Variants in SPTB observed in about 807,000 individuals in gnomAD.
SPTB encodes spectrin beta, erythrocytic, also known as spectrin beta chain, erythrocytic.
SPTB carries 45 observed loss-of-function variants against 256.2 expected under a neutral mutation model. The ratio of observed to expected loss-of-function variants is 0.18; its 90% CI spans 0.14 to 0.23. SPTB has a LOEUF of 0.23. SPTB is among the 10% of genes least tolerant of loss of function. The pLI is 1.00. For missense variants in SPTB, 2,715 were observed against 3,040.4 expected, an observed-to-expected ratio of 0.89 and a Z score of 2.52; for synonymous variants, 1,231 against 1,243.1, an observed-to-expected ratio of 0.99 and a Z score of 0.21.
At chr14:64,782,928 C>G (rs2082497525) in intron 19 of SPTB, among the ~76,000 whole-genome samples, 1 of 151,388 alleles carries the variant, frequency 6.6e-6, no homozygotes, top group South Asian at 2.1e-4. Flanking sequence ...GGAAGCTGGG[C>G]AGGGAGAGCA....
At chr14:64,832,618 A>T (rs144899194) in intron 1 of SPTB, among the ~76,000 whole-genome samples, 152 of 152,212 alleles carry the variant, frequency 1.0e-3, no homozygotes, top group African/African-American at 3.5e-3. Flanking sequence ...TCCACCTAAG[A>T]AGGCCCACAA....
intron 2 of SPTB, among the ~76,000 whole-genome samples, chr14:64,814,548 C>T (rs1425059979): frequency 6.6e-6 from 1 of 152,152 alleles, no homozygotes; most frequent in Non-Finnish European, 1.5e-5. Context: ...CAGAGTCTCC[C>T]ACTGTCGCTC....
chr14:64,878,408 G>A (rs1268293895), intron 1 of SPTB, among the ~76,000 whole-genome samples: 1 of 152,088 alleles, frequency 6.6e-6, no homozygotes, highest in East Asian at 1.9e-4. Flanking sequence ...AAAAAAAAAG[G>A]TGTTTTCAAT....
chr14:64,848,154 C>T (rs1376789234), intron 1 of SPTB, among the ~76,000 whole-genome samples: 1 of 152,160 alleles, frequency 6.6e-6, no homozygotes, highest in Non-Finnish European at 1.5e-5. Flanking sequence ...AGAAACACCA[C>T]CACATGATGG....
rs1351881524 is a variant in SPTB at position 64,796,040 on chromosome 14, T to C, written c.1342-401A>G. Among the ~76,000 whole-genome samples the C allele has an allele frequency of 6.6e-6, 1 of 152,150 alleles. No homozygotes were observed. Among genetic ancestry groups the C allele is most frequent in the East Asian group, 1.9e-4 (1 of 5,182 alleles). ...TGGTTTATTCACATGCTATCTGGGG[T>C]GCGCATACACTCTCCAGTGCTCTCA... On this transcript the variant is annotated intron_variant, in intron 11 of 35. Transcript: ENST00000644917. This position sits in a 1 kb window ranked among gnomAD's most constrained non-coding sequence, Gnocchi z 4.1.
intron 33 of SPTB, chr14:64,752,159 G>C: frequency 1.5e-6 from 2 of 1,328,192 alleles, no homozygotes; most frequent in South Asian, 1.2e-5. Flanking sequence ...GGCATGTTTG[G>C]TGAGGGAATC....
At chr14:64,846,862 A>G (rs1226748680) in intron 1 of SPTB, among the ~76,000 whole-genome samples, 1 of 152,132 alleles carries the variant, frequency 6.6e-6, no homozygotes, top group Admixed American at 6.5e-5. Context: ...AATCTGCTCT[A>G]CAGTTTAGCT....
At chr14:64,762,000 C>T (rs537011530) in intron 32 of SPTB, among the ~76,000 whole-genome samples, 1 of 152,102 alleles carries the variant, frequency 6.6e-6, no homozygotes, top group African/African-American at 2.4e-5. Flanking sequence ...GTCGTCAGAA[C>T]AGAGGGGCCA....
intron 32 of SPTB, among the ~76,000 whole-genome samples, chr14:64,765,821 AGTGTGTGT>A (rs780515740): frequency 7.6e-6 from 1 of 131,944 alleles, no homozygotes; most frequent in Non-Finnish European, 1.6e-5. Flanking sequence ...TGTGTGTGTG[AGTGTGTGT>A]GTGTGTGGGG....
intron 1 of SPTB, among the ~76,000 whole-genome samples, chr14:64,854,965 T>C (rs1206184646): frequency 6.6e-6 from 1 of 152,176 alleles, no homozygotes; most frequent in Non-Finnish European, 1.5e-5. Context: ...ATCACCCCTT[T>C]CAGGAAGTGG....
chr14:64,847,118 T>G lies in SPTB; in HGVS notation c.-51-23973A>C, dbSNP rs755920826. 6.6e-6 allele frequency among the ~76,000 whole-genome samples: 1 copy of G among 152,230 alleles called. No homozygotes were observed. Among genetic ancestry groups the G allele is most frequent in the Non-Finnish European group, 1.5e-5 (1 of 68,026 alleles). On this transcript the variant is annotated intron_variant, in intron 1 of 35. Coordinates refer to ENST00000644917, the MANE Select transcript of SPTB (RefSeq NM_001355436.2). The surrounding 1 kb of genome is among the most constrained non-coding windows in gnomAD (Gnocchi z 5.9). ...GGGTGTGATTTCCTCAGTTGTTCAC[T>G]GGCATAGAAGCCTCAAGCCCAGTCG... is the stretch of plus-strand genomic sequence containing the variant.
chr14:64,775,272 G>A lies in SPTB; in HGVS notation c.4695C>T (p.Ser1565=). 1 of 1,613,652 alleles carries A rather than the reference G, an allele frequency of 6.2e-7. No homozygotes were observed. Among genetic ancestry groups the A allele is most frequent in the Non-Finnish European group, 8.5e-7 (1 of 1,180,004 alleles). The change falls in exon 23 of 36, where the codon TCC becomes TCT. Residue 1565 remains serine (S), a synonymous_variant. Transcript: ENST00000644917. This position sits in a 1 kb window ranked among gnomAD's most constrained non-coding sequence, Gnocchi z 5.0. ...LEERLGHLQS[S]WDRLREAAAG... is the part of the protein sequence containing the mutation. ...CCGCTGCCTCCCGCAGCCTGTCCCA[G>A]GAGCTCTGCAGGTGCCCCAGGCGCT...
At position 64,776,693 on chromosome 14, in the gene SPTB, C is replaced by T. The variant is rs182747184; in HGVS notation, c.4564-1290G>A. Among the ~76,000 whole-genome samples the T allele has an allele frequency of 1.6e-3, 246 of 152,348 alleles. 1 individual carries two copies. Among genetic ancestry groups the T allele is most frequent in the African/African-American group, 5.5e-3 (228 of 41,586 alleles). Reference sequence around the variant, plus strand: ...CTGGGCTCAGGCGATCCACCCGCTTCGGCCTCCCAAAGTGCTGGGATTACG... The same window carrying T: ...CTGGGCTCAGGCGATCCACCCGCTTTGGCCTCCCAAAGTGCTGGGATTACG... On this transcript the variant is annotated intron_variant, in intron 22 of 35. Transcript: ENST00000644917.
At position 64,775,418 on chromosome 14, in the gene SPTB, A is replaced by C; in HGVS notation, c.4564-15T>G. 1 of 1,609,286 alleles carries C rather than the reference A, an allele frequency of 6.2e-7. No homozygotes were observed. The highest frequency in any genetic ancestry group is 1.1e-5 in the South Asian group (1 of 90,750). On this transcript the variant is annotated splice_polypyrimidine_tract_variant and intron_variant, in intron 22 of 35. Coordinates refer to ENST00000644917, the MANE Select transcript of SPTB (RefSeq NM_001355436.2). This position sits in a 1 kb window ranked among gnomAD's most constrained non-coding sequence, Gnocchi z 5.0. ...TTCTGCAGTGTCTGCGGCCAGAAGG[A>C]AGGGCTCGGGGCAGGGCCTTCCCAC...
intron 10 of SPTB, among the ~76,000 whole-genome samples, 195 bp downstream of exon 10, chr14:64,797,534 G>A (rs1003837100): frequency 6.8e-6 from 1 of 147,016 alleles, no homozygotes; most frequent in Non-Finnish European, 1.5e-5. Context: ...CTGAACAGGG[G>A]GATTGAAGGA....
chr14:64,779,696 G>A lies in SPTB; in HGVS notation c.4473+29C>T. On this transcript the variant is annotated intron_variant, in intron 21 of 35. Transcript: ENST00000644917. This position sits in a 1 kb window ranked among gnomAD's most constrained non-coding sequence, Gnocchi z 4.2. ...ATGGCAGCTGGTGGCTCAGCCTCAG[G>A]AGGTAGGGAGAAGCTGTGGCCCACG... The A allele has an allele frequency of 6.2e-7, 1 of 1,613,760 alleles. No homozygotes were observed. Among genetic ancestry groups the A allele is most frequent in the Non-Finnish European group, 8.5e-7 (1 of 1,179,784 alleles).
intron 2 of SPTB, among the ~76,000 whole-genome samples, chr14:64,814,083 AACTT>A (rs2083142385): frequency 6.6e-6 from 1 of 152,214 alleles, no homozygotes; most frequent in East Asian, 1.9e-4. Context: ...TCTAAGATGG[AACTT>A]TAGGATGCTT....
At position 64,759,572 on chromosome 14, in the gene SPTB, A is replaced by G. The variant is rs1421859416; in HGVS notation, c.6346-5779T>C. 1.3e-5 allele frequency among the ~76,000 whole-genome samples: 2 copies of G among 152,186 alleles called. No homozygotes were observed. Among genetic ancestry groups the G allele is most frequent in the Non-Finnish European group, 2.9e-5 (2 of 68,034 alleles). On this transcript the variant is annotated intron_variant, in intron 32 of 35. Transcript: ENST00000644917. The surrounding 1 kb of genome is among the most constrained non-coding windows in gnomAD (Gnocchi z 4.8). The stretch of plus-strand genomic sequence containing the variant: ...ACCCGACAGGAGGCGAGATCTATGG[A>G]CAGAGAGCACCAGGAGGGGCGATGC...
chr14:64,796,714 G>T lies in SPTB; in HGVS notation c.1184C>A (p.Ala395Asp), dbSNP rs768515967. The T allele has an allele frequency of 6.2e-7, 1 of 1,614,202 alleles. No homozygotes were observed. Among genetic ancestry groups the T allele is most frequent in the Non-Finnish European group, 8.5e-7 (1 of 1,180,050 alleles). Residue 395 changes from alanine (A) to aspartate (D), a missense_variant and splice_region_variant, in exon 11 of 36, where the codon GCC becomes GAC. Around this residue, in one of 4 missense-constraint regions of SPTB, gnomAD observed 416 missense variants for 571.1 expected, o/e 0.73. Transcript: ENST00000644917. The surrounding 1 kb of genome is among the most constrained non-coding windows in gnomAD (Gnocchi z 4.1). ...CTCAGCTTCCTCCAGGCTTTCCCAG[G>T]CCTGCACAAAGGATGGAATGAGAAT... is the stretch of plus-strand genomic sequence containing the variant. ...DGKLVSDINR[A>D]WESLEEAEYR...
Sources: gnomAD v4.1 joint callset for allele counts (sites outside exome capture counted in the v4.1 genomes callset) on GRCh38, gnomAD v4.1.1 for gene constraint, gnomAD v4.1.1 regional missense constraint, Gnocchi (gnomAD v3.1) non-coding constraint, MANE v1.5 for transcripts, NCBI Gene and HGNC (gene_info 2026-07-23, HGNC 2026-07-21) for gene names.